Variants in CEACAM21 observed in about 807,000 individuals in gnomAD.
CEACAM21 encodes the protein CEA cell adhesion molecule 21, also known as cell adhesion molecule CEACAM21.
Under a neutral mutation model 33.2 loss-of-function variants are expected in CEACAM21, and 38 were observed. The observed-to-expected ratio is 1.14, with a 90% CI of 0.88 to 1.50. The LOEUF is 1.50. CEACAM21 is among the 40% of genes most tolerant of loss of function. The probability of loss-of-function intolerance (pLI) is 0.00; values close to 1 mark genes in which losing one functional copy is unlikely to be tolerated. For synonymous variants in CEACAM21, 156 were observed against 143.0 expected (o/e 1.09, Z -0.65); for missense variants, 385 against 364.6 (o/e 1.06, Z -0.46).
At chr19:41,585,250 G>A (rs2070640183) in intron 4 of CEACAM21, among the ~76,000 whole-genome samples, 193 bp from the exon 5 acceptor site, 1 of 151,972 alleles carries the variant, frequency 6.6e-6, no homozygotes, top group African/African-American at 2.4e-5. Context: ...TTCCCCTCTG[G>A]CCAGGACAGA....
At chr19:41,568,416 T>C (rs62119420) in intron 2 of CEACAM21, among the ~76,000 whole-genome samples, 6,077 of 152,294 alleles carry the variant, frequency 0.04, 319 homozygotes, top group African/African-American at 0.12. Flanking sequence ...ATAGTTTCAG[T>C]TCTTACATTT....
intron 2 of CEACAM21, 54 bp downstream of exon 2, chr19:41,577,613 C>A: frequency 6.2e-7 from 1 of 1,602,206 alleles, no homozygotes; most frequent in South Asian, 1.1e-5. Flanking sequence ...GCTTCACATA[C>A]GCAGGATTGT....
intron 1 of CEACAM21, 85 bp from the exon 2 acceptor site, chr19:41,577,115 G>A: frequency 2.7e-6 from 4 of 1,496,166 alleles, no homozygotes; most frequent in East Asian, 2.3e-5. Flanking sequence ...TAAGGCTGAG[G>A]GGTGAAGAGA....
At chr19:41,584,317 G>T in intron 3 of CEACAM21, 30 bp from the exon 4 acceptor site, 2 of 1,586,020 alleles carry the variant, frequency 1.3e-6, no homozygotes, top group Non-Finnish European at 1.7e-6. Flanking sequence ...AACAGATTTG[G>T]ACCTCATCCC....
At chr19:41,571,224 A>T (rs2042591524), upstream of CEACAM21, among the ~76,000 whole-genome samples, 1 of 148,040 alleles carries the variant, frequency 6.8e-6, no homozygotes. Context: ...TCACCAGTAA[A>T]ATCCTTCACT....
chr19:41,576,343 G>T lies in CEACAM21; in HGVS notation c.64+5G>T, dbSNP rs368814855. 1 of 1,608,308 alleles carries T rather than the reference G, an allele frequency of 6.2e-7. No individual in the cohort carries two copies. Among genetic ancestry groups the T allele is most frequent in the East Asian group, 2.2e-5 (1 of 44,800 alleles). On this transcript the variant is annotated splice_donor_5th_base_variant and intron_variant, in intron 1 of 6. Transcript: ENST00000401445. ...GGCAGGGGCTCTTGCTCACAGGTGA[G>T]GGGAGGACTCCCTGGGAGTGGGTGG...
chr19:41,552,969 A>G (rs537588427), intron 1 of CEACAM21, among the ~76,000 whole-genome samples: 21 of 149,382 alleles, frequency 1.4e-4, no homozygotes, highest in Admixed American at 8.6e-4. Flanking sequence ...AAACAAATGA[A>G]AAGATTATTT....
At chr19:41,549,719 C>T (rs1555783794) in intron 1 of CEACAM21, among the ~76,000 whole-genome samples, 1 of 151,834 alleles carries the variant, frequency 6.6e-6, no homozygotes, top group East Asian at 1.9e-4. Flanking sequence ...AAGAGGGTTT[C>T]CCTCTATTGC....
chr19:41,579,422 C>T lies in CEACAM21; in HGVS notation c.494C>T (p.Thr165Ile). The T allele has an allele frequency of 6.2e-7, 1 of 1,613,982 alleles. No homozygotes were observed. Among genetic ancestry groups the T allele is most frequent in the Non-Finnish European group, 8.5e-7 (1 of 1,179,890 alleles). The change falls in exon 3 of 7, where the codon ACC (threonine) becomes ATC (isoleucine). Residue 165 changes from threonine to isoleucine, a missense_variant. By Grantham distance (89) the Thr-to-Ile change is moderately conservative. Coordinates refer to ENST00000401445, the MANE Select transcript of CEACAM21 (RefSeq NM_001098506.4). Reference protein sequence around the residue: ...TVTEKGSVVLTCHTNNTGTSF... With the variant: ...TVTEKGSVVLICHTNNTGTSF... ...ACAGAGAAGGGCTCCGTGGTCCTGA[C>T]CTGCCACACAAATAACACTGGAACC...
intron 2 of CEACAM21, among the ~76,000 whole-genome samples, chr19:41,570,801 G>A (rs1046909257): frequency 6.6e-6 from 1 of 152,186 alleles, no homozygotes; most frequent in East Asian, 1.9e-4. Flanking sequence ...AAGGGCAAGG[G>A]CGCCATCTAG....
At chr19:41,580,431 C>T (rs1340794801) in intron 3 of CEACAM21, among the ~76,000 whole-genome samples, 2 of 152,158 alleles carry the variant, frequency 1.3e-5, no homozygotes, top group East Asian at 1.9e-4. Flanking sequence ...GGCTCAGTCC[C>T]ACAAAATTGC....
chr19:41,577,049 G>C, intron 1 of CEACAM21, 151 bp from the exon 2 acceptor site: 3 of 793,532 alleles, frequency 3.8e-6, no homozygotes, highest in Non-Finnish European at 6.1e-6. Flanking sequence ...CTGAAGGAAT[G>C]AGGGTCATGC....
At chr19:41,573,074 G>A (rs2042714402), upstream of CEACAM21, among the ~76,000 whole-genome samples, 1 of 152,194 alleles carries the variant, frequency 6.6e-6, no homozygotes. Context: ...GAAGGAGATG[G>A]AGGTCTGACC....
chr19:41,567,537 GC>G (rs1464679787), intron 2 of CEACAM21, among the ~76,000 whole-genome samples: 2 of 152,124 alleles, frequency 1.3e-5, no homozygotes, highest in Non-Finnish European at 2.9e-5. Context: ...ATAAAAGGGT[GC>G]CCCCTTTTCA....
At chr19:41,577,117 G>A (rs782380593) in intron 1 of CEACAM21, 83 bp from the exon 2 acceptor site, 66 of 1,522,634 alleles carry the variant, frequency 4.3e-5, no homozygotes, top group Non-Finnish European at 5.6e-5. Flanking sequence ...AGGCTGAGGG[G>A]TGAAGAGACC....
intron 1 of CEACAM21, among the ~76,000 whole-genome samples, chr19:41,552,951 GA>G (rs2041313622): frequency 6.7e-6 from 1 of 149,126 alleles, no homozygotes; most frequent in Non-Finnish European, 1.5e-5. Context: ...AAAAGGGAAA[GA>G]AAAAGGAAAC....
upstream of CEACAM21, among the ~76,000 whole-genome samples, chr19:41,575,220 T>C (rs75905235): frequency 0.043 from 6,548 of 152,170 alleles, 372 homozygotes; most frequent in African/African-American, 0.13. Flanking sequence ...AAGTATGAAG[T>C]TTCCATTTGG....
chr19:41,586,817 A>T lies in CEACAM21; in HGVS notation c.*354A>T, dbSNP rs2070762764. The T allele has an allele frequency of 3.6e-6, 1 of 275,808 alleles. No individual in the cohort carries two copies. Among genetic ancestry groups the T allele is most frequent in the Non-Finnish European group, 7.2e-6 (1 of 138,772 alleles). The allele number at this position is 275,808 out of a possible 1,614,324, so 17.1% of individuals were successfully genotyped here. ...GCCCACCCGGGGTCACCTGGAAAGG[A>T]TCTGAATAAAGGGGAAACTTCCTCT... On this transcript the variant is annotated 3_prime_UTR_variant, in exon 7 of 7. Transcript: ENST00000401445.
chr19:41,577,833 T>C (rs1307188468), intron 2 of CEACAM21, among the ~76,000 whole-genome samples: 1 of 152,178 alleles, frequency 6.6e-6, no homozygotes, highest in Non-Finnish European at 1.5e-5. Flanking sequence ...CAACCCCCCT[T>C]GGCCTCCTCC....
Sources: gnomAD v4.1 joint callset for allele counts (sites outside exome capture counted in the v4.1 genomes callset) on GRCh38, gnomAD v4.1.1 for gene constraint, MANE v1.5 for transcripts, NCBI Gene and HGNC (gene_info 2026-07-23, HGNC 2026-07-21) for gene names.